ABL2: variants seen among roughly 807,000 people sequenced by gnomAD.
ABL2 encodes the protein ABL proto-oncogene 2, non-receptor tyrosine kinase, also known as tyrosine-protein kinase ABL2.
Under a neutral mutation model 107.7 loss-of-function variants are expected in ABL2, and 49 were observed. The observed-to-expected ratio is 0.45, with a 90% CI of 0.36 to 0.58. The LOEUF (loss-of-function observed/expected upper bound fraction) is 0.58. Ranked by LOEUF, ABL2 falls within the 20% of genes least tolerant of loss-of-function variation. The probability of loss-of-function intolerance (pLI) is 0.00; values close to 1 mark genes in which losing one functional copy is unlikely to be tolerated. For missense variants in ABL2, 1,245 were observed against 1,457.0 expected (o/e 0.85, Z 2.37); for synonymous variants, 549 against 548.6 (o/e 1.00, Z -0.01).
In ABL2 at chr1:179,102,409, C is replaced by T. The variant is rs1014863074; in HGVS notation, c.*5309G>A. Reference sequence around the variant, plus strand: ...GTTGGAGACGTTTCAGAAGTTCTCACATACTCCTACGGATCCCAGACTGAA... The same window carrying T: ...GTTGGAGACGTTTCAGAAGTTCTCATATACTCCTACGGATCCCAGACTGAA... On this transcript the variant is annotated 3_prime_UTR_variant, in exon 12 of 12. Coordinates refer to ENST00000502732, the MANE Select transcript of ABL2 (RefSeq NM_007314.4). 9.1e-6 allele frequency: 2 copies of T among 218,920 alleles called. No individual in the cohort carries two copies. Among genetic ancestry groups the T allele is most frequent in the Non-Finnish European group, 1.8e-5 (2 of 108,976 alleles). 13.6% of individuals were successfully genotyped at this position (218,920 alleles called of 1,614,324 possible). A position where few individuals can be genotyped will look rare whatever the true frequency, so the allele number is the denominator to read the frequency against.
At chr1:179,159,328 T>C (rs28914491) in intron 1 of ABL2, among the ~76,000 whole-genome samples, 8 of 152,180 alleles carry the variant, frequency 5.3e-5, no homozygotes, top group Admixed American at 1.3e-4. Context: ...AGGTAACACA[T>C]AGTAAAATAG....
At chr1:179,165,863 T>G (rs972198329) in intron 1 of ABL2, among the ~76,000 whole-genome samples, 5 of 152,066 alleles carry the variant, frequency 3.3e-5, no homozygotes, top group Non-Finnish European at 7.4e-5. Context: ...TGGCGCGACC[T>G]TGGCTCACTG....
At chr1:179,142,277 A>T (rs1324977744) in intron 1 of ABL2, among the ~76,000 whole-genome samples, 1 of 152,258 alleles carries the variant, frequency 6.6e-6, no homozygotes, top group Non-Finnish European at 1.5e-5. Flanking sequence ...ACAATTTAAA[A>T]AAGGCATTTT....
rs1450379792 is a variant in ABL2 at position 179,106,537 on chromosome 1, TG to T, written c.*1180del. The T allele has an allele frequency of 4.3e-6, 1 of 232,908 alleles. No homozygotes were observed. The highest frequency in any genetic ancestry group is 2.2e-5 in the African/African-American group (1 of 45,386). 14.4% of individuals were successfully genotyped at this position (232,908 alleles called of 1,614,324 possible). ...AGAAGAAAAGCATGTGAGAATAATGTGGGGGTGATTCACTTCAAATCCATAG... is the reference window on the plus strand; with the variant it reads ...AGAAGAAAAGCATGTGAGAATAATGTGGGGTGATTCACTTCAAATCCATAG... On this transcript the variant is annotated 3_prime_UTR_variant, in exon 12 of 12. Transcript: ENST00000502732.
chr1:179,132,426 AGACT>A, intron 2 of ABL2, among the ~76,000 whole-genome samples: 1 of 152,346 alleles, frequency 6.6e-6, no homozygotes, highest in South Asian at 2.1e-4. Flanking sequence ...TTTCTTGATC[AGACT>A]ATTTTTAGTG....
At chr1:179,157,654 GGAGT>G (rs1313667295) in intron 1 of ABL2, among the ~76,000 whole-genome samples, 2 of 152,024 alleles carry the variant, frequency 1.3e-5, no homozygotes, top group East Asian at 1.9e-4. Context: ...CAGGTAGGAG[GGAGT>G]GAGGAAAGAA....
At chr1:179,153,705 G>C (rs1047875894) in intron 1 of ABL2, among the ~76,000 whole-genome samples, 2 of 152,074 alleles carry the variant, frequency 1.3e-5, no homozygotes, top group Non-Finnish European at 2.9e-5. Flanking sequence ...TTTGCTATGA[G>C]AGGTAACATT....
At position 179,175,739 on chromosome 1, in the gene ABL2, T is replaced by G. The variant is rs543999129; in HGVS notation, c.158-42365A>C. ...CTTGTAAGTCTAACAAATGAGGATG[T>G]GAGCTCATGCCCTAGGCAGTGAGAC... On this transcript the variant is annotated intron_variant, in intron 1 of 11. Coordinates refer to ENST00000502732, the MANE Select transcript of ABL2 (RefSeq NM_007314.4). 3.3e-5 allele frequency among the ~76,000 whole-genome samples: 5 copies of G among 152,164 alleles called. No individual in the cohort carries two copies. The South Asian group carries it at 1.0e-3, about 32-fold the overall frequency.
intron 1 of ABL2, among the ~76,000 whole-genome samples, chr1:179,166,394 T>TAAAAA (rs200116537): frequency 9.2e-6 from 1 of 108,858 alleles, no homozygotes; most frequent in Admixed American, 9.6e-5. Context: ...AACTCAATAC[T>TAAAAA]AAAAAAAAAA....
Position 179,108,025 on chromosome 1 carries a change from G to A in ABL2, c.3242C>T (p.Ala1081Val). 2 of 1,614,222 alleles carry A rather than the reference G, an allele frequency of 1.2e-6. No individual in the cohort carries two copies. The highest frequency in any genetic ancestry group is 1.7e-6 in the Non-Finnish European group (2 of 1,180,048). ...CAGGGCCTCTTTGCTGATTTTGTCTGCTGAGATTTTCTCAGCGGCCTGTTT... is the reference window on the plus strand; with the variant it reads ...CAGGGCCTCTTTGCTGATTTTGTCTACTGAGATTTTCTCAGCGGCCTGTTT... ...KTKQAAEKIS[A>V]DKISKEALLE... The change falls in exon 12 of 12, where the codon GCA (alanine) becomes GTA (valine). Residue 1081 changes from alanine to valine, a missense_variant. By Grantham distance (64) the Ala-to-Val change is moderately conservative. Around this residue, in one of 3 missense-constraint regions of ABL2, gnomAD observed 761 missense variants for 766.4 expected, o/e 0.99. Transcript: ENST00000502732.
At position 179,118,609 on chromosome 1, in the gene ABL2, C is replaced by T. The variant is rs759146490; in HGVS notation, c.1201G>A (p.Glu401Lys). The change falls in exon 7 of 12, where the codon GAG (glutamate) becomes AAG (lysine). Residue 401 changes from glutamate (E) to lysine (K), a missense_variant. Physicochemically the swap from Glu to Lys is moderately conservative, Grantham distance 56 (BLOSUM62 1). Transcript: ENST00000502732. ...CACCTATGGATGAAATTCTTCTTCT[C>T]TAAGTACTCCATTGCAGAAGAAATC... is the stretch of plus-strand genomic sequence containing the variant. ...TQISSAMEYL[E>K]KKNFIHRDLA... 1 of 1,613,748 alleles carries T rather than the reference C, an allele frequency of 6.2e-7. No homozygotes were observed. The highest frequency in any genetic ancestry group is 8.5e-7 in the Non-Finnish European group (1 of 1,179,870).
intron 1 of ABL2, among the ~76,000 whole-genome samples, chr1:179,191,271 A>C (rs942776831): frequency 6.6e-6 from 1 of 152,212 alleles, no homozygotes; most frequent in Non-Finnish European, 1.5e-5. Context: ...ATAAGCACTG[A>C]TTTCTGCCAG....
chr1:179,176,781 C>T lies in ABL2; in HGVS notation c.158-43407G>A, dbSNP rs375788446. Among the ~76,000 whole-genome samples, 11 of 148,482 alleles carry T rather than the reference C, an allele frequency of 7.4e-5. No individual in the cohort carries two copies. The East Asian group carries it at 1.8e-3, about 24-fold the overall frequency. Reference sequence around the variant, plus strand: ...TGCCATCTTGGCTCACTGCAACCTCCGCTTCACAGGTTCAAGCAATTCTCC... The same window carrying T: ...TGCCATCTTGGCTCACTGCAACCTCTGCTTCACAGGTTCAAGCAATTCTCC... On this transcript the variant is annotated intron_variant, in intron 1 of 11. Transcript: ENST00000502732.
chr1:179,099,951 C>T lies in ABL2; in HGVS notation c.*7767G>A, dbSNP rs1005352782. 1 of 232,332 alleles carries T rather than the reference C, an allele frequency of 4.3e-6. No individual in the cohort carries two copies. The highest frequency in any genetic ancestry group is 2.2e-5 in the African/African-American group (1 of 45,254). 14.4% of individuals were successfully genotyped at this position (232,332 alleles called of 1,614,324 possible). ...ACCAACCACGCCACTGCTGTTCATC[C>T]AAGGAAAGATCTGAGCGATTCCTCT... On this transcript the variant is annotated 3_prime_UTR_variant, in exon 12 of 12. Coordinates refer to ENST00000502732, the MANE Select transcript of ABL2 (RefSeq NM_007314.4).
intron 1 of ABL2, among the ~76,000 whole-genome samples, chr1:179,182,138 T>C (rs931972303): frequency 6.6e-6 from 1 of 151,824 alleles, no homozygotes; most frequent in Admixed American, 6.6e-5. Context: ...CCCTGTGAAG[T>C]CCTCTCTTCC....
At chr1:179,212,122 G>A (rs1277503598) in intron 1 of ABL2, among the ~76,000 whole-genome samples, 1 of 152,130 alleles carries the variant, frequency 6.6e-6, no homozygotes, top group Non-Finnish European at 1.5e-5. Context: ...CCAAGTGAAG[G>A]GGAAAGCCCC....
chr1:179,147,568 C>G (rs900130653), intron 1 of ABL2, among the ~76,000 whole-genome samples: 16 of 152,162 alleles, frequency 1.1e-4, no homozygotes, highest in Admixed American at 6.5e-4. Context: ...TTTGCAGCAA[C>G]ATGGTTGGAA....
chr1:179,175,239 T>C (rs996081639), intron 1 of ABL2, among the ~76,000 whole-genome samples: 1 of 152,162 alleles, frequency 6.6e-6, no homozygotes, highest in African/African-American at 2.4e-5. Flanking sequence ...GAGTTAGTTA[T>C]GTTTTTAGCA....
Position 179,115,005 on chromosome 1 carries a change from A to G in ABL2, c.1434T>C (p.Ile478=), listed in dbSNP as rs956028424. ...VWAFGVLLWE[I]ATYGMSPYPG... ...GATATGGTGACATTCCATAGGTAGC[A>G]ATTTCCCACAACAATACCCCAAAAG... The change falls in exon 9 of 12, where the codon ATT becomes ATC. Residue 478 remains isoleucine (I), a synonymous_variant. Transcript: ENST00000502732. 1.2e-6 allele frequency: 2 copies of G among 1,608,064 alleles called. No individual in the cohort carries two copies. The highest frequency in any genetic ancestry group is 1.3e-5 in the African/African-American group (1 of 74,792).
Sources: allele counts gnomAD v4.1 joint callset (sites outside exome capture counted in the v4.1 genomes callset), GRCh38; gene constraint gnomAD v4.1.1; regional missense constraint gnomAD v4.1.1; transcripts MANE v1.5; gene names NCBI Gene and HGNC (gene_info 2026-07-23, HGNC 2026-07-21).